DENND1B: variants seen among roughly 807,000 people sequenced by gnomAD.
DENND1B encodes DENN domain containing 1B.
DENND1B carries 59 observed loss-of-function variants against 90.1 expected under a neutral mutation model. That is an observed-to-expected ratio of 0.65 (90% confidence interval 0.53 to 0.81). The LOEUF (loss-of-function observed/expected upper bound fraction) is 0.81. DENND1B is among the 40% of genes least tolerant of loss of function. The pLI is 0.00. For synonymous variants in DENND1B, 337 were observed against 324.6 expected (o/e 1.04, Z -0.41); for missense variants, 862 against 912.6 (o/e 0.94, Z 0.71).
At position 197,672,073 on chromosome 1, in the gene DENND1B, A is replaced by T. The variant is rs780433727; in HGVS notation, c.260T>A (p.Leu87Gln). 1.9e-6 allele frequency: 3 copies of T among 1,612,700 alleles called. No individual in the cohort carries two copies. In the African/African-American group the frequency reaches 4.0e-5, roughly 22 times the overall value. Reference sequence around the variant, plus strand: ...TAAACAAATTGTGCCTCCTGACGTCAGTCTGCAGAATCCAAATCTCTGTTT... The same window carrying T: ...TAAACAAATTGTGCCTCCTGACGTCTGTCTGCAGAATCCAAATCTCTGTTT... ...ESKQRFGFCRLTSGGTICLCI... is the reference protein window; with the variant it reads ...ESKQRFGFCRQTSGGTICLCI... Residue 87 changes from leucine to glutamine, a missense_variant, in exon 5 of 23, where the codon CTG (leucine) becomes CAG (glutamine). Coordinates refer to ENST00000620048, the MANE Select transcript of DENND1B (RefSeq NM_001195215.2).
intron 10 of DENND1B, among the ~76,000 whole-genome samples, chr1:197,628,702 T>C (rs960476513): frequency 2.6e-4 from 39 of 152,156 alleles, no homozygotes; most frequent in Admixed American, 1.8e-3. Context: ...AAAGAGCTTC[T>C]GCACAGCAAA....
chr1:197,714,028 T>A (rs1660371949), intron 3 of DENND1B, among the ~76,000 whole-genome samples: 1 of 125,244 alleles, frequency 8.0e-6, no homozygotes, highest in East Asian at 2.3e-4. Flanking sequence ...CTCACATTGG[T>A]TGCCCAGGCA....
At chr1:197,553,194 G>T in intron 15 of DENND1B, 82 bp from the exon 16 acceptor site, 1 of 1,131,350 alleles carries the variant, frequency 8.8e-7, no homozygotes, top group Non-Finnish European at 1.2e-6. Context: ...TATAAGGTTA[G>T]ATTTTTACTT....
chr1:197,522,431 C>A (rs1356127897), intron 20 of DENND1B, among the ~76,000 whole-genome samples: 1 of 152,038 alleles, frequency 6.6e-6, no homozygotes, highest in Non-Finnish European at 1.5e-5. Context: ...ATCCAAGGAC[C>A]CTTTACCAAT....
intron 9 of DENND1B, among the ~76,000 whole-genome samples, chr1:197,643,317 G>A (rs1471363769): frequency 1.3e-5 from 2 of 152,006 alleles, no homozygotes; most frequent in Non-Finnish European, 2.9e-5. Context: ...ACCACATCCG[G>A]CTAATTTTTG....
chr1:197,745,020 G>A (rs1308539214), intron 2 of DENND1B, among the ~76,000 whole-genome samples: 1 of 152,092 alleles, frequency 6.6e-6, no homozygotes, highest in Non-Finnish European at 1.5e-5. Context: ...ATCTCTCTCA[G>A]CCTTCACAAA....
intron 2 of DENND1B, chr1:197,734,237 C>T: frequency 2.2e-6 from 2 of 900,304 alleles, no homozygotes; most frequent in Non-Finnish European, 2.7e-6. Flanking sequence ...GTATATAAAC[C>T]AAACCATTCT....
At chr1:197,534,639 G>C (rs1359999076) in intron 20 of DENND1B, among the ~76,000 whole-genome samples, 1 of 152,066 alleles carries the variant, frequency 6.6e-6, no homozygotes, top group East Asian at 1.9e-4. Flanking sequence ...CATTTTCTCT[G>C]CCTTAAAACT....
chr1:197,576,135 C>G (rs1673663857), intron 15 of DENND1B, among the ~76,000 whole-genome samples: 1 of 151,818 alleles, frequency 6.6e-6, no homozygotes, highest in African/African-American at 2.4e-5. Context: ...ATAGAAAAGA[C>G]AGAATGATCA....
At chr1:197,727,821 A>T (rs1047086507) in intron 2 of DENND1B, among the ~76,000 whole-genome samples, 1 of 152,200 alleles carries the variant, frequency 6.6e-6, no homozygotes, top group African/African-American at 2.4e-5. Context: ...CACTAAAAAA[A>T]GACACATCCT....
chr1:197,519,788 G>A (rs1291359309), intron 20 of DENND1B, among the ~76,000 whole-genome samples: 5 of 151,916 alleles, frequency 3.3e-5, no homozygotes, highest in African/African-American at 1.2e-4. Context: ...GACAATCAGG[G>A]CAAATACTAA....
intron 3 of DENND1B, among the ~76,000 whole-genome samples, chr1:197,681,459 T>G (rs1395116395): frequency 6.6e-6 from 1 of 152,178 alleles, no homozygotes; most frequent in Non-Finnish European, 1.5e-5. Context: ...GATCAAATTC[T>G]TTTATTCATG....
chr1:197,573,270 G>A (rs1673347090), intron 15 of DENND1B, among the ~76,000 whole-genome samples: 1 of 151,542 alleles, frequency 6.6e-6, no homozygotes, highest in African/African-American at 2.4e-5. Context: ...TTCTCTTGTG[G>A]GTATTTAGTG....
intron 3 of DENND1B, among the ~76,000 whole-genome samples, chr1:197,694,998 C>G (rs993025841): frequency 5.3e-5 from 8 of 151,230 alleles, no homozygotes; most frequent in Non-Finnish European, 1.2e-4. Context: ...AACTATAAAG[C>G]AAAGTTCATA....
At chr1:197,557,845 A>G (rs917228951) in intron 15 of DENND1B, among the ~76,000 whole-genome samples, 1 of 151,878 alleles carries the variant, frequency 6.6e-6, no homozygotes, top group Non-Finnish European at 1.5e-5. Context: ...GCATTTCATA[A>G]TAAGTAAAAG....
At chr1:197,770,670 CTATAAATATACA>C (rs1656361420) in intron 2 of DENND1B, among the ~76,000 whole-genome samples, 1 of 135,840 alleles carries the variant, frequency 7.4e-6, no homozygotes, top group Admixed American at 7.5e-5. Flanking sequence ...AAATATATAT[CTATAAATATACA>C]TATCTATAAA....
At chr1:197,608,814 A>C (rs927394801) in intron 12 of DENND1B, among the ~76,000 whole-genome samples, 2 of 150,594 alleles carry the variant, frequency 1.3e-5, no homozygotes, top group African/African-American at 4.8e-5. Context: ...AACTGCTCTT[A>C]GTTTTAAAAA....
chr1:197,521,259 C>A (rs781773195), intron 20 of DENND1B, among the ~76,000 whole-genome samples: 1 of 151,748 alleles, frequency 6.6e-6, no homozygotes, highest in Non-Finnish European at 1.5e-5. Context: ...GAAAGTGAAT[C>A]AGAAAGTAGA....
At chr1:197,717,049 T>A (rs1660715045) in intron 2 of DENND1B, among the ~76,000 whole-genome samples, 1 of 151,932 alleles carries the variant, frequency 6.6e-6, no homozygotes, top group African/African-American at 2.4e-5. Flanking sequence ...GCTCTTTTCA[T>A]TAAATGAATT....
Sources: gnomAD v4.1 joint callset for allele counts (sites outside exome capture counted in the v4.1 genomes callset) on GRCh38, gnomAD v4.1.1 for gene constraint, MANE v1.5 for transcripts, NCBI Gene and HGNC (gene_info 2026-07-23, HGNC 2026-07-21) for gene names.